The following HERC2 variants were observed in gnomAD, a reference collection of about 807,000 sequenced individuals.
HERC2 encodes the protein E3 ubiquitin-protein ligase HERC2.
HERC2 carries 102 observed loss-of-function variants against 537.7 expected under a neutral mutation model. That is an observed-to-expected ratio of 0.19 (90% CI 0.16 to 0.22). The LOEUF (loss-of-function observed/expected upper bound fraction) is 0.22, where lower values mean the gene tolerates loss of function less well. HERC2 is among the 10% of genes least tolerant of loss of function. The pLI is 1.00. For synonymous variants in HERC2, 2,224 were observed against 2,466.2 expected (o/e 0.90, Z 2.91); for missense variants, 4,236 against 6,198.2 (o/e 0.68, Z 10.63).
chr15:28,269,159 G>T, intron 11 of HERC2, 89 bp downstream of exon 11: 1 of 935,032 alleles, frequency 1.1e-6, no homozygotes, highest in Non-Finnish European at 1.6e-6. Flanking sequence ...GAAATCAAAC[G>T]CCTTAAAGAA....
chr15:28,271,170 G>C (rs1008448385), intron 9 of HERC2, among the ~76,000 whole-genome samples: 3 of 152,166 alleles, frequency 2.0e-5, no homozygotes, highest in Admixed American at 6.5e-5. Flanking sequence ...TACAGGCCTA[G>C]GACCCCTGGA....
At chr15:28,251,475 TAA>T (rs60222071) in intron 20 of HERC2, among the ~76,000 whole-genome samples, 10 of 131,414 alleles carry the variant, frequency 7.6e-5, no homozygotes, top group African/African-American at 1.8e-4. Context: ...TCACATTAAG[TAA>T]AAAAAAAAAA....
At chr15:28,160,809 C>T (rs1180092707) in intron 69 of HERC2, among the ~76,000 whole-genome samples, 1 of 152,216 alleles carries the variant, frequency 6.6e-6, no homozygotes. Context: ...AGAAATCACC[C>T]ATCTTCTGCG....
intron 33 of HERC2, 24 bp from the exon 34 acceptor site, chr15:28,229,370 T>C: frequency 6.2e-7 from 1 of 1,613,392 alleles, no homozygotes; most frequent in Non-Finnish European, 8.5e-7. Flanking sequence ...ATAAAGAATT[T>C]GACTTGGGAC....
rs1294095620 is a variant in HERC2 at position 28,292,540 on chromosome 15, G to C, written c.322+348C>G. Among the ~76,000 whole-genome samples, 3 of 152,108 alleles carry C rather than the reference G, an allele frequency of 2.0e-5. No individual in the cohort carries two copies. The East Asian group carries it at 5.8e-4, about 29-fold the overall frequency. On this transcript the variant is annotated intron_variant, in intron 4 of 92. Coordinates refer to ENST00000261609, the MANE Select transcript of HERC2 (RefSeq NM_004667.6). ...CTCAAACAGTTACACGTAGTGCCAG[G>C]TGCGATGGCTCACACCTGAAATCTC...
chr15:28,290,844 G>A (rs2076291065), intron 4 of HERC2, among the ~76,000 whole-genome samples: 1 of 152,110 alleles, frequency 6.6e-6, no homozygotes. Context: ...TTATAGTTTT[G>A]AACACTTGTT....
Position 28,179,228 on chromosome 15 carries a change from A to G in HERC2, c.8938-5T>C. ...AGAGAACGAAGGAACCTTTATCTACAACAGAATTTTTTTAACAAAAAAAAA... is the reference window on the plus strand; with the variant it reads ...AGAGAACGAAGGAACCTTTATCTACGACAGAATTTTTTTAACAAAAAAAAA... On this transcript the variant is annotated splice_polypyrimidine_tract_variant and splice_region_variant and intron_variant, in intron 57 of 92. Coordinates refer to ENST00000261609, the MANE Select transcript of HERC2 (RefSeq NM_004667.6). The G allele has an allele frequency of 6.3e-7, 1 of 1,581,626 alleles. No homozygotes were observed. Among genetic ancestry groups the G allele is most frequent in the Non-Finnish European group, 8.6e-7 (1 of 1,167,266 alleles).
At chr15:28,197,528 C>T (rs1261855125) in intron 50 of HERC2, among the ~76,000 whole-genome samples, 2 of 151,980 alleles carry the variant, frequency 1.3e-5, no homozygotes, top group Non-Finnish European at 2.9e-5. Flanking sequence ...CTGAGGCAGG[C>T]GGATCAATAG....
Position 28,144,804 on chromosome 15 carries a change from C to A in HERC2, c.11009G>T (p.Gly3670Val). 6.2e-7 allele frequency: 1 copy of A among 1,614,144 alleles called. No individual in the cohort carries two copies. Among genetic ancestry groups the A allele is most frequent in the Non-Finnish European group, 8.5e-7 (1 of 1,180,028 alleles). Residue 3670 changes from glycine (G) to valine (V), a missense_variant and splice_region_variant, in exon 72 of 93, where the codon GGC becomes GTC. Transcript: ENST00000261609. ...GCTGGACCAGTCGGACCACTCTCGG[C>A]CTGCGGGAGGAAAGCGCACCCCGGG... ...GVNRIVSVRSGREWSDWSSEL... is the reference protein window; with the variant it reads ...GVNRIVSVRSVREWSDWSSEL...
chr15:28,206,470 A>G, intron 44 of HERC2, 88 bp from the exon 45 acceptor site: 1 of 566,106 alleles, frequency 1.8e-6, no homozygotes, highest in South Asian at 2.0e-5. Flanking sequence ...AAGCATGTTA[A>G]ATCAGGTATG....
At chr15:28,276,179 C>T (rs1407453501) in intron 5 of HERC2, among the ~76,000 whole-genome samples, 1 of 109,636 alleles carries the variant, frequency 9.1e-6, no homozygotes, top group Non-Finnish European at 1.7e-5. Context: ...GAGCAAGACT[C>T]CATCTCAAAA....
At position 28,146,219 on chromosome 15, in the gene HERC2, T is replaced by C. The variant is rs1341025152; in HGVS notation, c.11008+18A>G. 1.0e-5 allele frequency: 16 copies of C among 1,580,120 alleles called. No individual in the cohort carries two copies. The highest frequency in any genetic ancestry group is 1.4e-5 in the Non-Finnish European group (16 of 1,149,368). ...CACAGGTGGGTAGATCATGCCCTGC[T>C]CAACCTCCTGTCCTTACCTGACCGC... On this transcript the variant is annotated intron_variant, in intron 71 of 92. Transcript: ENST00000261609.
In HERC2 at chr15:28,114,620, T is replaced by A. The variant is rs765454328; in HGVS notation, c.13905A>T (p.Ile4635=). Residue 4635 remains isoleucine (I), a synonymous_variant, in exon 90 of 93, where the codon ATA becomes ATT. Coordinates refer to ENST00000261609, the MANE Select transcript of HERC2 (RefSeq NM_004667.6). ...GACGGATGACCACCAACCTATAGTT[T>A]ATCGCCAGCCGCACGTACTCCGCGC... ...DNRAEYVRLA[I]NYRLHEFDEQ... is the part of the protein sequence containing the mutation. The A allele has an allele frequency of 1.2e-6, 2 of 1,613,314 alleles. No individual in the cohort carries two copies. Among genetic ancestry groups the A allele is most frequent in the East Asian group, 4.5e-5 (2 of 44,840 alleles).
At chr15:28,301,347 C>G (rs1280520066) in intron 2 of HERC2, among the ~76,000 whole-genome samples, 3 of 151,350 alleles carry the variant, frequency 2.0e-5, no homozygotes, top group South Asian at 2.1e-4. Context: ...CCCAGGAGGC[C>G]AAGGTTGCAG....
chr15:28,123,730 A>G (rs1164780073), intron 85 of HERC2, among the ~76,000 whole-genome samples: 1 of 152,222 alleles, frequency 6.6e-6, no homozygotes, highest in African/African-American at 2.4e-5. Context: ...GGACCGCAGG[A>G]ACAAAGGCTT....
At position 28,274,324 on chromosome 15, in the gene HERC2, C is replaced by G. The variant is rs950938401; in HGVS notation, c.767G>C (p.Arg256Thr). Reference protein sequence around the residue: ...VSSVWLEVVERATRFLRSVVT... With the variant: ...VSSVWLEVVETATRFLRSVVT... ...GACGGACCTGAGGAACCTGGTCGCT[C>G]TCTCCACCACCTCCAGCCACACAGA... Residue 256 changes from arginine to threonine, a missense_variant, in exon 7 of 93, where the codon AGA becomes ACA. By Grantham distance (71) the Arg-to-Thr change is moderately conservative. Coordinates refer to ENST00000261609, the MANE Select transcript of HERC2 (RefSeq NM_004667.6). 6.2e-7 allele frequency: 1 copy of G among 1,614,196 alleles called. No individual in the cohort carries two copies. Among genetic ancestry groups the G allele is most frequent in the Admixed American group, 1.7e-5 (1 of 60,026 alleles).
At chr15:28,317,382 C>T (rs1281090115) in intron 2 of HERC2, among the ~76,000 whole-genome samples, 1 of 152,212 alleles carries the variant, frequency 6.6e-6, no homozygotes, top group African/African-American at 2.4e-5. Context: ...AGCCACCGCG[C>T]CCAGCCGAAG....
intron 20 of HERC2, among the ~76,000 whole-genome samples, chr15:28,248,940 T>C (rs1356209128): frequency 2.0e-5 from 3 of 152,068 alleles, no homozygotes; most frequent in African/African-American, 7.2e-5. Flanking sequence ...CACGGAAGGC[T>C]CAAAAGAGAT....
Position 28,190,985 on chromosome 15 carries a change from G to A in HERC2, c.8629C>T (p.Leu2877Phe). 2 of 1,609,424 alleles carry A rather than the reference G, an allele frequency of 1.2e-6. No homozygotes were observed. The highest frequency in any genetic ancestry group is 1.7e-6 in the Non-Finnish European group (2 of 1,175,756). Residue 2877 changes from leucine (L) to phenylalanine (F), a missense_variant, in exon 55 of 93, where the codon CTT (leucine) becomes TTT (phenylalanine). By Grantham distance (22) the Leu-to-Phe change is conservative (BLOSUM62 0). This residue lies in a region of HERC2 where 606 missense variants were observed against 884.5 expected (regional missense o/e 0.69). Transcript: ENST00000261609. ...NINPSDTTVP[L>F]LNDCTEYHRY... ...CTTACCTCTGTGCAGTCATTCAGAAGGGGCACTGTGGTGTCAGAAGGGTTA... is the reference window on the plus strand; with the variant it reads ...CTTACCTCTGTGCAGTCATTCAGAAAGGGCACTGTGGTGTCAGAAGGGTTA...
Sources: allele counts gnomAD v4.1 joint callset (sites outside exome capture counted in the v4.1 genomes callset), GRCh38; gene constraint gnomAD v4.1.1; regional missense constraint gnomAD v4.1.1; transcripts MANE v1.5; gene names NCBI Gene and HGNC (gene_info 2026-07-23, HGNC 2026-07-21).